Variants in MRPS18C observed in about 807,000 individuals in gnomAD.
MRPS18C encodes mitochondrial ribosomal protein S18C.
MRPS18C carries 21 observed loss-of-function variants against 21.0 expected under a neutral mutation model. The ratio of observed to expected loss-of-function variants is 1.00; its 90% confidence interval spans 0.71 to 1.44. MRPS18C has a LOEUF of 1.44. Ranked by LOEUF, MRPS18C falls within the 40% of genes most tolerant of loss-of-function variation. The probability of loss-of-function intolerance (pLI) is 0.00; values close to 1 mark genes in which losing one functional copy is unlikely to be tolerated. For missense variants in MRPS18C, 152 were observed against 171.5 expected (o/e 0.89, Z 0.64); for synonymous variants, 65 against 54.3 (o/e 1.20, Z -0.87).
rs939185096 is a variant in MRPS18C at position 83,461,851 on chromosome 4, C to T, written c.*654C>T. The T allele has an allele frequency of 4.4e-6, 1 of 227,726 alleles. No homozygotes were observed. The highest frequency in any genetic ancestry group is 8.7e-6 in the Non-Finnish European group (1 of 114,814). The allele number at this position is 227,726 out of a possible 1,614,324, so 14.1% of individuals were successfully genotyped here. Reference sequence around the variant, plus strand: ...TGTTATAGTTGTGTAATAATTAAGGCTGCCAGATTTAGCAAGTACAAATGT... The same window carrying T: ...TGTTATAGTTGTGTAATAATTAAGGTTGCCAGATTTAGCAAGTACAAATGT... On this transcript the variant is annotated 3_prime_UTR_variant, in exon 6 of 6. Coordinates refer to ENST00000295491, the MANE Select transcript of MRPS18C (RefSeq NM_016067.4).
chr4:83,459,565 A>T, intron 3 of MRPS18C, 175 bp from the exon 4 acceptor site: 1 of 571,992 alleles, frequency 1.7e-6, no homozygotes, highest in Non-Finnish European at 3.1e-6. Flanking sequence ...CACACTGGAT[A>T]GAAAATATTT....
intron 5 of MRPS18C, 35 bp from the exon 6 acceptor site, chr4:83,461,086 A>T (rs1430828862): frequency 6.2e-7 from 1 of 1,613,014 alleles, no homozygotes. Context: ...TTTGCTCATT[A>T]TGTTTTGTCA....
At chr4:83,459,555 C>T in intron 3 of MRPS18C, 185 bp from the exon 4 acceptor site, 1 of 550,852 alleles carries the variant, frequency 1.8e-6, no homozygotes, top group Non-Finnish European at 3.2e-6. Flanking sequence ...ATAGACTTGA[C>T]ACACTGGATA....
chr4:83,460,720 A>G (rs1190050773), intron 4 of MRPS18C: 1 of 396,838 alleles, frequency 2.5e-6, no homozygotes, highest in African/African-American at 2.1e-5. Flanking sequence ...CCTGGCCAAT[A>G]TGGTGAAACC....
intron 4 of MRPS18C, 104 bp from the exon 5 acceptor site, chr4:83,460,869 G>A (rs919525568): frequency 6.4e-6 from 6 of 939,504 alleles, no homozygotes; most frequent in Non-Finnish European, 9.9e-6. Context: ...GAGCACCACT[G>A]TACTCCAGCC....
In MRPS18C at chr4:83,458,371, A is replaced by G. The variant is rs749378064; in HGVS notation, c.176A>G (p.Lys59Arg). 5 of 1,604,602 alleles carry G rather than the reference A, an allele frequency of 3.1e-6. No homozygotes were observed. The highest frequency in any genetic ancestry group is 4.3e-6 in the Non-Finnish European group (5 of 1,172,630). Residue 59 changes from lysine (K) to arginine (R), a missense_variant, in exon 3 of 6, where the codon AAA becomes AGA. Physicochemically the swap from Lys to Arg is conservative, Grantham distance 26. Coordinates refer to ENST00000295491, the MANE Select transcript of MRPS18C (RefSeq NM_016067.4). ...DLPISMENPY[K>R]EPLKKCILCG... ...CCCATTTCAATGGAAAATCCTTATA[A>G]AGAACCTCTTAAGAAATGTATCTTG... is the stretch of plus-strand genomic sequence containing the variant.
At chr4:83,456,463 A>G (rs1337819226) in intron 1 of MRPS18C, among the ~76,000 whole-genome samples, 1 of 152,014 alleles carries the variant, frequency 6.6e-6, no homozygotes, top group Non-Finnish European at 1.5e-5. Flanking sequence ...AGAGTCGCCC[A>G]GCAGCAAATT....
At position 83,459,816 on chromosome 4, in the gene MRPS18C, T is replaced by C. The variant is rs1367626293; in HGVS notation, c.292+19T>C. ...ATTACAGGTATGTTCTTTTTTATTA[T>C]GGGAATATAAATGTAGATACGAATT... On this transcript the variant is annotated intron_variant, in intron 4 of 5. Coordinates refer to ENST00000295491, the MANE Select transcript of MRPS18C (RefSeq NM_016067.4). 1 of 1,553,400 alleles carries C rather than the reference T, an allele frequency of 6.4e-7. No homozygotes were observed. Among genetic ancestry groups the C allele is most frequent in the African/African-American group, 1.4e-5 (1 of 73,556 alleles).
At chr4:83,458,061 T>G (rs1280699847) in intron 2 of MRPS18C, 1 of 294,824 alleles carries the variant, frequency 3.4e-6, no homozygotes, top group African/African-American at 2.3e-5. Flanking sequence ...TCTAAAAATT[T>G]TTTCATTATC....
intron 3 of MRPS18C, 63 bp downstream of exon 3, chr4:83,458,492 G>C: frequency 7.8e-7 from 1 of 1,280,550 alleles, no homozygotes; most frequent in Non-Finnish European, 1.1e-6. Flanking sequence ...TGCTTAAAGA[G>C]AATCAAGTCA....
chr4:83,456,482 C>G (rs1313561581), intron 1 of MRPS18C, among the ~76,000 whole-genome samples: 3 of 148,680 alleles, frequency 2.0e-5, no homozygotes, highest in Non-Finnish European at 4.4e-5. Context: ...TTCCAGATGT[C>G]TAAGGTCCCC....
At chr4:83,456,623 T>C (rs1721837334) in intron 1 of MRPS18C, among the ~76,000 whole-genome samples, 1 of 152,266 alleles carries the variant, frequency 6.6e-6, no homozygotes, top group Non-Finnish European at 1.5e-5. Flanking sequence ...CTATAAGAAT[T>C]TGCATTAAGA....
intron 4 of MRPS18C, chr4:83,460,667 G>GC: frequency 3.4e-6 from 1 of 293,136 alleles, no homozygotes; most frequent in Non-Finnish European, 6.5e-6. Flanking sequence ...ACTTTGGGAG[G>GC]CTGAGGTGGG....
chr4:83,459,622 A>G, intron 3 of MRPS18C, 118 bp from the exon 4 acceptor site: 1 of 824,964 alleles, frequency 1.2e-6, no homozygotes, highest in Non-Finnish European at 1.9e-6. Flanking sequence ...TATTTTATGA[A>G]ATGTGTCTGA....
chr4:83,461,402 G>T lies in MRPS18C; in HGVS notation c.*205G>T. On this transcript the variant is annotated 3_prime_UTR_variant, in exon 6 of 6. Transcript: ENST00000295491. The stretch of plus-strand genomic sequence containing the variant: ...CATTTTATCTATGTTGAATAAAAGT[G>T]GTTCTGTGTGATTGTCATTTATATC... 1.9e-6 allele frequency: 1 copy of T among 513,236 alleles called. No individual in the cohort carries two copies. Among genetic ancestry groups the T allele is most frequent in the Non-Finnish European group, 3.5e-6 (1 of 283,596 alleles). 31.8% of individuals were successfully genotyped at this position (513,236 alleles called of 1,614,324 possible).
At chr4:83,456,999 T>C (rs1405674031) in intron 2 of MRPS18C, 41 bp downstream of exon 2, 1 of 1,543,296 alleles carries the variant, frequency 6.5e-7, no homozygotes, top group South Asian at 1.2e-5. Context: ...TTTGCAAATA[T>C]GACCAAAATG....
intron 5 of MRPS18C, 39 bp from the exon 6 acceptor site, chr4:83,461,082 C>T (rs1415250554): frequency 1.2e-6 from 2 of 1,612,430 alleles, no homozygotes; most frequent in Non-Finnish European, 1.7e-6. Context: ...AAATTTTGCT[C>T]ATTATGTTTT....
chr4:83,456,303 G>C, intron 1 of MRPS18C, 126 bp downstream of exon 1: 1 of 789,722 alleles, frequency 1.3e-6, no homozygotes, highest in East Asian at 2.6e-5. Context: ...TCCAAGATGG[G>C]TGGGAATCTG....
At position 83,462,248 on chromosome 4, in the gene MRPS18C, GTGAA is replaced by G; in HGVS notation, c.*1052_*1055del. 2.0e-6 allele frequency: 1 copy of G among 497,692 alleles called. No homozygotes were observed. Among genetic ancestry groups the G allele is most frequent in the East Asian group, 3.5e-5 (1 of 28,892 alleles). 30.8% of individuals were successfully genotyped at this position (497,692 alleles called of 1,614,324 possible). A position where few individuals can be genotyped will look rare whatever the true frequency, so the allele number is the denominator to read the frequency against. The stretch of plus-strand genomic sequence containing the variant: ...TGTAAGCCTTCCCCTCAACAACTTA[GTGAA>G]AGGTGAAAAAAAGGTTTGGAAATAA... On this transcript the variant is annotated 3_prime_UTR_variant, in exon 6 of 6. Coordinates refer to ENST00000295491, the MANE Select transcript of MRPS18C (RefSeq NM_016067.4).
Sources: allele counts gnomAD v4.1 joint callset (sites outside exome capture counted in the v4.1 genomes callset), GRCh38; gene constraint gnomAD v4.1.1; transcripts MANE v1.5; gene names NCBI Gene and HGNC (gene_info 2026-07-23, HGNC 2026-07-21).